Variants in CACNG1 observed in about 807,000 individuals in gnomAD.
The protein encoded by CACNG1 is voltage-dependent calcium channel gamma-1 subunit.
A neutral mutation model predicts 22.0 loss-of-function variants in CACNG1; 21 were observed. The observed-to-expected ratio is 0.95, with a 90% confidence interval of 0.68 to 1.37. CACNG1 has a LOEUF of 1.37. CACNG1 is among the 40% of genes most tolerant of loss of function. The pLI, the probability that CACNG1 is intolerant of heterozygous loss-of-function variation, is 0.00. For missense variants in CACNG1, 291 were observed against 308.6 expected (o/e 0.94, Z 0.43); for synonymous variants, 127 against 129.2 (o/e 0.98, Z 0.12).
rs999238261 is a variant in CACNG1 at position 67,054,534 on chromosome 17, A to G, written c.304+464A>G. ...ATCCGCAGAGCTCAGACGCACACCCATTGTCGGGAGTACAGACCCGTGCCT... is the reference window on the plus strand; with the variant it reads ...ATCCGCAGAGCTCAGACGCACACCCGTTGTCGGGAGTACAGACCCGTGCCT... On this transcript the variant is annotated intron_variant, in intron 2 of 3. Transcript: ENST00000226021. The surrounding 1 kb of genome is among the most constrained non-coding windows in gnomAD (Gnocchi z 4.6). 2.6e-5 allele frequency among the ~76,000 whole-genome samples: 4 copies of G among 152,120 alleles called. No homozygotes were observed. The highest frequency in any genetic ancestry group is 9.7e-5 in the African/African-American group (4 of 41,418).
chr17:67,055,014 C>T lies in CACNG1; in HGVS notation c.305-89C>T. 7.3e-7 allele frequency: 1 copy of T among 1,361,674 alleles called. No individual in the cohort carries two copies. Among genetic ancestry groups the T allele is most frequent in the East Asian group, 2.3e-5 (1 of 42,644 alleles). The allele number at this position is 1,361,674 out of a possible 1,614,324, so 84.3% of individuals were successfully genotyped here. A position where few individuals can be genotyped will look rare whatever the true frequency, so the allele number is the denominator to read the frequency against. On this transcript the variant is annotated intron_variant, in intron 2 of 3. Coordinates refer to ENST00000226021, the MANE Select transcript of CACNG1 (RefSeq NM_000727.4). This position sits in a 1 kb window ranked among gnomAD's most constrained non-coding sequence, Gnocchi z 4.5. ...AATGACACACACAGACACTGACACA[C>T]ACACTGTGGTGCATGGTGTGGTCCC... is the stretch of plus-strand genomic sequence containing the variant.
chr17:67,056,178 C>A lies in CACNG1; in HGVS notation c.576C>A (p.Leu192=), dbSNP rs746930490. Residue 192 remains leucine (L), a synonymous_variant, in exon 4 of 4, where the codon CTC becomes CTA. Transcript: ENST00000226021. The surrounding 1 kb of genome is among the most constrained non-coding windows in gnomAD (Gnocchi z 4.3). Reference sequence around the variant, plus strand: ...GCGCCTGTGCCGCCTTCATCCTCCTCTTTCTCGGCGGTCTCGCCCTCCTGC... The same window carrying A: ...GCGCCTGTGCCGCCTTCATCCTCCTATTTCTCGGCGGTCTCGCCCTCCTGC... The part of the protein sequence containing the change: ...FACACAAFIL[L]FLGGLALLLF... The A allele has an allele frequency of 1.2e-6, 2 of 1,614,062 alleles. No individual in the cohort carries two copies. The highest frequency in any genetic ancestry group is 1.7e-6 in the Non-Finnish European group (2 of 1,180,018).
intron 1 of CACNG1, among the ~76,000 whole-genome samples, chr17:67,053,277 C>T (rs1383476531): frequency 6.6e-6 from 1 of 152,222 alleles, no homozygotes; most frequent in Non-Finnish European, 1.5e-5. Context: ...AAGCCCTTTG[C>T]AGGGCATTTT....
chr17:67,053,966 T>G, intron 1 of CACNG1, 30 bp from the exon 2 acceptor site: 1 of 1,588,788 alleles, frequency 6.3e-7, no homozygotes, highest in Non-Finnish European at 8.6e-7. Flanking sequence ...GTTGCTCCCC[T>G]CAACTCACAG....
At chr17:67,050,820 T>C (rs558323110) in intron 1 of CACNG1, among the ~76,000 whole-genome samples, 1 of 152,306 alleles carries the variant, frequency 6.6e-6, no homozygotes, top group African/African-American at 2.4e-5. Context: ...GTCTGAGAGC[T>C]GAGTTCACCA....
intron 1 of CACNG1, among the ~76,000 whole-genome samples, chr17:67,050,139 C>G (rs150226840): frequency 1.5e-3 from 228 of 152,366 alleles, no homozygotes; most frequent in Non-Finnish European, 2.5e-3. Flanking sequence ...GGCAGGTTGC[C>G]CCAGGGCCCA....
intron 1 of CACNG1, among the ~76,000 whole-genome samples, chr17:67,049,044 C>T (rs547976931): frequency 1.6e-4 from 24 of 152,242 alleles, no homozygotes; most frequent in Non-Finnish European, 2.9e-4. Flanking sequence ...GGATGAAAAA[C>T]GTTAAAAATC....
intron 1 of CACNG1, among the ~76,000 whole-genome samples, chr17:67,045,460 A>G (rs1394412743): frequency 6.6e-6 from 1 of 151,314 alleles, no homozygotes; most frequent in Non-Finnish European, 1.5e-5. Flanking sequence ...GCAGCTGCAC[A>G]GGTTGAATGT....
chr17:67,045,455 T>C lies in CACNG1; in HGVS notation c.229+566T>C, dbSNP rs556400403. On this transcript the variant is annotated intron_variant, in intron 1 of 3. Transcript: ENST00000226021. The stretch of plus-strand genomic sequence containing the variant: ...TTGTGGGCTCTGGGCCTGGAGCAGC[T>C]GCACAGGTTGAATGTCTGTGAAGCA... Among the ~76,000 whole-genome samples the C allele has an allele frequency of 1.4e-4, 21 of 151,796 alleles. No individual in the cohort carries two copies. The East Asian group carries it at 1.5e-3, about 11-fold the overall frequency.
chr17:67,046,173 C>T (rs1283881048), intron 1 of CACNG1, among the ~76,000 whole-genome samples: 1 of 152,208 alleles, frequency 6.6e-6, no homozygotes, highest in Non-Finnish European at 1.5e-5. Context: ...CTGCTTCTTC[C>T]TCTATAAAAT....
Position 67,055,385 on chromosome 17 carries a change from C to G in CACNG1, c.442+145C>G. On this transcript the variant is annotated intron_variant, in intron 3 of 3. Transcript: ENST00000226021. The surrounding 1 kb of genome is among the most constrained non-coding windows in gnomAD (Gnocchi z 4.5). ...CATCCAGGGGCAAACCTGGCCAGGC[C>G]ATCAGCGACTCCAGGTGGGTTGGAG... 1.1e-6 allele frequency: 1 copy of G among 891,646 alleles called. No homozygotes were observed. Among genetic ancestry groups the G allele is most frequent in the Non-Finnish European group, 1.7e-6 (1 of 602,176 alleles). The allele number at this position is 891,646 out of a possible 1,614,324, so 55.2% of individuals were successfully genotyped here.
chr17:67,055,283 T>C lies in CACNG1; in HGVS notation c.442+43T>C, dbSNP rs777111454. On this transcript the variant is annotated intron_variant, in intron 3 of 3. Transcript: ENST00000226021. This position sits in a 1 kb window ranked among gnomAD's most constrained non-coding sequence, Gnocchi z 4.5. ...CCTGAGCGCCGGGGCCGGGGGACCA[T>C]GTCGCGGGGGATTCTCCGCTCCACC... 2.5e-5 allele frequency: 39 copies of C among 1,589,270 alleles called. No individual in the cohort carries two copies. In the Admixed American group the frequency reaches 5.6e-4, roughly 23 times the overall value.
intron 1 of CACNG1, among the ~76,000 whole-genome samples, chr17:67,052,547 G>A (rs561505376): frequency 6.6e-6 from 1 of 152,274 alleles, no homozygotes; most frequent in African/African-American, 2.4e-5. Flanking sequence ...AATGAAGCCT[G>A]GAAGTGAAGA....
chr17:67,056,744 A>T lies in CACNG1; in HGVS notation c.*473A>T, dbSNP rs1212589919. 1 of 160,530 alleles carries T rather than the reference A, an allele frequency of 6.2e-6. No individual in the cohort carries two copies. The highest frequency in any genetic ancestry group is 1.4e-5 in the Non-Finnish European group (1 of 72,840). The allele number at this position is 160,530 out of a possible 1,614,324, so 9.9% of individuals were successfully genotyped here. A position where few individuals can be genotyped will look rare whatever the true frequency, so the allele number is the denominator to read the frequency against. ...TTGGCTTCCAGGAGCCCTGGGAAGC[A>T]TTTTTAACTGGGTAGAATCTGACTG... is the stretch of plus-strand genomic sequence containing the variant. On this transcript the variant is annotated 3_prime_UTR_variant, in exon 4 of 4. Transcript: ENST00000226021. This position sits in a 1 kb window ranked among gnomAD's most constrained non-coding sequence, Gnocchi z 4.3.
At position 67,044,786 on chromosome 17, in the gene CACNG1, C is replaced by T. The variant is rs778012888; in HGVS notation, c.126C>T (p.His42=). ...TGCTGAGCCCCCACATGGAGCACCA[C>T]AACACTACCTGCGAGGCGGCCCACT... The part of the protein sequence containing the change: ...WAVLSPHMEH[H]NTTCEAAHFG... The change falls in exon 1 of 4, where the codon CAC becomes CAT. Residue 42 remains histidine (H), a synonymous_variant. Coordinates refer to ENST00000226021, the MANE Select transcript of CACNG1 (RefSeq NM_000727.4). The surrounding 1 kb of genome is among the most constrained non-coding windows in gnomAD (Gnocchi z 6.9). 2 of 1,613,430 alleles carry T rather than the reference C, an allele frequency of 1.2e-6. No homozygotes were observed. Among genetic ancestry groups the T allele is most frequent in the Non-Finnish European group, 8.5e-7 (1 of 1,180,028 alleles).
Position 67,044,990 on chromosome 17 carries a change from G to A in CACNG1, c.229+101G>A. The A allele has an allele frequency of 1.1e-6, 1 of 908,622 alleles. No individual in the cohort carries two copies. The highest frequency in any genetic ancestry group is 1.7e-6 in the Non-Finnish European group (1 of 589,768). The allele number at this position is 908,622 out of a possible 1,614,324, so 56.3% of individuals were successfully genotyped here. On this transcript the variant is annotated intron_variant, in intron 1 of 3. Coordinates refer to ENST00000226021, the MANE Select transcript of CACNG1 (RefSeq NM_000727.4). The surrounding 1 kb of genome is among the most constrained non-coding windows in gnomAD (Gnocchi z 6.9). The stretch of plus-strand genomic sequence containing the variant: ...GAAGGAAGGCAGGTTTCTCTGCCTA[G>A]AAATAGGGCAGCCGCCCAGCCTTTT...
chr17:67,045,267 A>G (rs1421695764), intron 1 of CACNG1, among the ~76,000 whole-genome samples: 1 of 152,172 alleles, frequency 6.6e-6, no homozygotes, highest in Non-Finnish European at 1.5e-5. Context: ...AGGGGGACCC[A>G]TGGGGCTGGC....
In CACNG1 at chr17:67,056,464, G is replaced by A. The variant is rs2035762998; in HGVS notation, c.*193G>A. 1 of 602,656 alleles carries A rather than the reference G, an allele frequency of 1.7e-6. No individual in the cohort carries two copies. The highest frequency in any genetic ancestry group is 2.9e-6 in the Non-Finnish European group (1 of 339,992). 37.3% of individuals were successfully genotyped at this position (602,656 alleles called of 1,614,324 possible). On this transcript the variant is annotated 3_prime_UTR_variant, in exon 4 of 4. Coordinates refer to ENST00000226021, the MANE Select transcript of CACNG1 (RefSeq NM_000727.4). This position sits in a 1 kb window ranked among gnomAD's most constrained non-coding sequence, Gnocchi z 4.3. ...GCAGGCTCCCCTGGGAATAGAGCAA[G>A]ACGTGAGTCCTAACCTGGCCACAGT...
chr17:67,055,010 C>T lies in CACNG1; in HGVS notation c.305-93C>T. 7.7e-7 allele frequency: 1 copy of T among 1,306,174 alleles called. No homozygotes were observed. The highest frequency in any genetic ancestry group is 1.1e-6 in the Non-Finnish European group (1 of 936,602). 80.9% of individuals were successfully genotyped at this position (1,306,174 alleles called of 1,614,324 possible). ...ACACAATGACACACACAGACACTGA[C>T]ACACACACTGTGGTGCATGGTGTGG... On this transcript the variant is annotated intron_variant, in intron 2 of 3. Transcript: ENST00000226021. This position sits in a 1 kb window ranked among gnomAD's most constrained non-coding sequence, Gnocchi z 4.5.
Sources: gnomAD v4.1 joint callset for allele counts (sites outside exome capture counted in the v4.1 genomes callset) on GRCh38, gnomAD v4.1.1 for gene constraint, Gnocchi (gnomAD v3.1) non-coding constraint, MANE v1.5 for transcripts, NCBI Gene and HGNC (gene_info 2026-07-23, HGNC 2026-07-21) for gene names.